ZFPM1: variants seen among roughly 807,000 people sequenced by gnomAD.
ZFPM1 encodes the protein zinc finger protein, FOG family member 1, also known as zinc finger protein ZFPM1.
A neutral mutation model predicts 46.3 loss-of-function variants in ZFPM1; 28 were observed. That is an observed-to-expected ratio of 0.60 (90% confidence interval 0.45 to 0.83). The LOEUF is 0.83. ZFPM1 is among the 40% of genes least tolerant of loss of function. ZFPM1 has a pLI of 0.00. For synonymous variants in ZFPM1, 957 were observed against 675.9 expected, an observed-to-expected ratio of 1.42 and a Z score of -6.45; for missense variants, 1,878 against 1,432.4, an observed-to-expected ratio of 1.31 and a Z score of -5.02.
chr16:88,452,224 G>A (rs561951978), upstream of ZFPM1, among the ~76,000 whole-genome samples: 3 of 152,322 alleles, frequency 2.0e-5, no homozygotes, highest in East Asian at 5.8e-4. Context: ...CCCCCAATGC[G>A]TGACCTTGAG....
At position 88,534,300 on chromosome 16, in the gene ZFPM1, T is replaced by C. The variant is rs1359828846; in HGVS notation, c.2342T>C (p.Leu781Pro). ...PGSGSGSGPG[L>P]APARSPGPAA... ...AGCGGAAGCGGAAGCGGCCCCGGCCTCGCCCCTGCGCGCTCGCCCGGCCCC... is the reference window on the plus strand; with the variant it reads ...AGCGGAAGCGGAAGCGGCCCCGGCCCCGCCCCTGCGCGCTCGCCCGGCCCC... The change falls in exon 10 of 10, where the codon CTC becomes CCC. Residue 781 changes from leucine (L) to proline (P), a missense_variant. Physicochemically the swap from Leu to Pro is moderately conservative, Grantham distance 98. Coordinates refer to ENST00000319555, the MANE Select transcript of ZFPM1 (RefSeq NM_153813.3). 1.6e-6 allele frequency: 2 copies of C among 1,245,986 alleles called. No individual in the cohort carries two copies. Among genetic ancestry groups the C allele is most frequent in the South Asian group, 2.4e-5 (1 of 41,660 alleles). The allele number at this position is 1,245,986 out of a possible 1,614,324, so 77.2% of individuals were successfully genotyped here. A position where few individuals can be genotyped will look rare whatever the true frequency, so the allele number is the denominator to read the frequency against.
At chr16:88,519,098 G>GTGGGTGGA (rs1490635039) in intron 4 of ZFPM1, among the ~76,000 whole-genome samples, 2 of 135,590 alleles carry the variant, frequency 1.5e-5, no homozygotes, top group Admixed American at 1.5e-4. Context: ...GGCTGAGAGT[G>GTGGGTGGA]TGGGTGGATG....
At chr16:88,488,773 G>A (rs560140131) in intron 2 of ZFPM1, among the ~76,000 whole-genome samples, 2 of 152,356 alleles carry the variant, frequency 1.3e-5, no homozygotes, top group South Asian at 2.1e-4. Flanking sequence ...TGGCCATCCT[G>A]TACCCTGATT....
rs564124563 is a variant in ZFPM1 at position 88,533,306 on chromosome 16, G to A, written c.1348G>A (p.Gly450Arg). The A allele has an allele frequency of 5.2e-5, 80 of 1,528,954 alleles. 1 individual carries two copies. In the African/African-American group the frequency reaches 7.2e-4, roughly 14 times the overall value. 94.7% of individuals were successfully genotyped at this position (1,528,954 alleles called of 1,614,324 possible). The change falls in exon 10 of 10, where the codon GGA (glycine) becomes AGA (arginine). Residue 450 changes from glycine to arginine, a missense_variant. Coordinates refer to ENST00000319555, the MANE Select transcript of ZFPM1 (RefSeq NM_153813.3). Reference protein sequence around the residue: ...EARAEPLAQNGGSSEPPAAPR... With the variant: ...EARAEPLAQNRGSSEPPAAPR... ...CAGAGCGGAGCCTCTGGCCCAGAAT[G>A]GAGGCAGCAGCGAGCCCCCGGCGGC...
chr16:88,489,131 G>A lies in ZFPM1; in HGVS notation c.246G>A (p.Pro82=), dbSNP rs375325667. The A allele has an allele frequency of 5.0e-5, 81 of 1,608,434 alleles. No homozygotes were observed. Among genetic ancestry groups the A allele is most frequent in the African/African-American group, 1.7e-4 (13 of 74,812 alleles). The change falls in exon 3 of 10, where the codon CCG becomes CCA. Residue 82 remains proline (P), a synonymous_variant. Coordinates refer to ENST00000319555, the MANE Select transcript of ZFPM1 (RefSeq NM_153813.3). ...AACCCAGGCCCACGGAGGAAGAGCCGGGCAGTCCCTGGAGCGGGCCAGGTA... is the reference window on the plus strand; with the variant it reads ...AACCCAGGCCCACGGAGGAAGAGCCAGGCAGTCCCTGGAGCGGGCCAGGTA... The part of the protein sequence containing the change: ...EPEPRPTEEE[P]GSPWSGPDEL...
rs140972506 is a variant in ZFPM1, at chr16:88,460,067, T to C, written c.40+6389T>C. 5.3e-3 allele frequency among the ~76,000 whole-genome samples: 807 copies of C among 151,992 alleles called. 5 individuals carry two copies. Among genetic ancestry groups the C allele is most frequent in the African/African-American group, 0.018 (758 of 41,462 alleles). On this transcript the variant is annotated intron_variant, in intron 1 of 9. Coordinates refer to ENST00000319555, the MANE Select transcript of ZFPM1 (RefSeq NM_153813.3). ...CAGCGCATCCCGACTCCCCAGGCTG[T>C]GTGGCCTTGGCATACTCTTGCCCTC...
At position 88,532,182 on chromosome 16, in the gene ZFPM1, G is replaced by T. The variant is rs151065815; in HGVS notation, c.893G>T (p.Arg298Leu). ...NERVCPFPQC[R>L]KSCPSASSLE... Reference sequence around the variant, plus strand: ...CGCGTCTGCCCCTTCCCCCAGTGCCGCAAGAGCTGCCCCAGCGCCAGCTCC... The same window carrying T: ...CGCGTCTGCCCCTTCCCCCAGTGCCTCAAGAGCTGCCCCAGCGCCAGCTCC... The change falls in exon 7 of 10, where the codon CGC becomes CTC. Residue 298 changes from arginine (R) to leucine (L), a missense_variant. Coordinates refer to ENST00000319555, the MANE Select transcript of ZFPM1 (RefSeq NM_153813.3). The T allele has an allele frequency of 1.2e-6, 2 of 1,611,122 alleles. No homozygotes were observed. The highest frequency in any genetic ancestry group is 8.5e-7 in the Non-Finnish European group (1 of 1,178,740).
rs2142354624 is a variant in ZFPM1, at chr16:88,471,356, C to T, written c.41-14583C>T. ...TCTGAGATGACTGTGTCCGTGGCGG[C>T]TCCCGCTCACAGTTCAGGACCCCGA... On this transcript the variant is annotated intron_variant, in intron 1 of 9. Coordinates refer to ENST00000319555, the MANE Select transcript of ZFPM1 (RefSeq NM_153813.3). This position sits in a 1 kb window ranked among gnomAD's most constrained non-coding sequence, Gnocchi z 4.1. 6.6e-6 allele frequency among the ~76,000 whole-genome samples: 1 copy of T among 152,364 alleles called. No homozygotes were observed. The highest frequency in any genetic ancestry group is 1.9e-4 in the East Asian group (1 of 5,180).
intron 1 of ZFPM1, among the ~76,000 whole-genome samples, chr16:88,482,929 G>A (rs1422653069): frequency 1.3e-5 from 2 of 152,228 alleles, no homozygotes; most frequent in Non-Finnish European, 2.9e-5. Context: ...CGACCCCAGA[G>A]GTGGGGAGGG....
intron 3 of ZFPM1, chr16:88,513,188 T>G (rs2142428592): frequency 6.6e-6 from 1 of 152,284 alleles, no homozygotes; most frequent in Non-Finnish European, 1.5e-5. Context: ...GCCCTGAAGC[T>G]GAGACGGCAG....
intron 1 of ZFPM1, among the ~76,000 whole-genome samples, chr16:88,458,298 G>A (rs1271180057): frequency 6.6e-6 from 1 of 152,222 alleles, no homozygotes; most frequent in East Asian, 1.9e-4. Context: ...GCCCTCTGAG[G>A]TCTTTCCCCA....
chr16:88,489,338 A>C, intron 3 of ZFPM1, 185 bp downstream of exon 3: 2 of 948,410 alleles, frequency 2.1e-6, no homozygotes, highest in Non-Finnish European at 3.0e-6. Flanking sequence ...GGAGCTTGGC[A>C]CCCTCGCGCC....
At chr16:88,516,033 G>T (rs1911274840) in intron 4 of ZFPM1, 1 of 398,090 alleles carries the variant, frequency 2.5e-6, no homozygotes. Context: ...GGCTCTGTGA[G>T]TTCCAGACAC....
At chr16:88,468,337 A>G (rs1333828923) in intron 1 of ZFPM1, among the ~76,000 whole-genome samples, 2 of 151,940 alleles carry the variant, frequency 1.3e-5, no homozygotes, top group East Asian at 1.9e-4. Flanking sequence ...TCTGAAAGTC[A>G]TCATCATCAT....
rs148805908 is a variant in ZFPM1 at position 88,497,257 on chromosome 16, GGCCCCAGCCCCA to G, written c.268+8123_268+8134del. ...GAGATGGGAGGGGCGGCAGGTGGAC[GGCCCCAGCCCCA>G]GCCCCAGCCCCAGCCCCATTCCAAG... is the stretch of plus-strand genomic sequence containing the variant. On this transcript the variant is annotated intron_variant, in intron 3 of 9. Coordinates refer to ENST00000319555, the MANE Select transcript of ZFPM1 (RefSeq NM_153813.3). The surrounding 1 kb of genome is among the most constrained non-coding windows in gnomAD (Gnocchi z 5.4). 4.6e-5 allele frequency among the ~76,000 whole-genome samples: 7 copies of G among 151,778 alleles called. No individual in the cohort carries two copies. The highest frequency in any genetic ancestry group is 2.1e-4 in the South Asian group (1 of 4,810).
chr16:88,474,062 G>A (rs1908551960), intron 1 of ZFPM1, among the ~76,000 whole-genome samples: 1 of 152,256 alleles, frequency 6.6e-6, no homozygotes, highest in Non-Finnish European at 1.5e-5. Flanking sequence ...GTTCAGCGGT[G>A]ATGAATGTTG....
intron 4 of ZFPM1, among the ~76,000 whole-genome samples, chr16:88,522,937 G>A (rs1228676827): frequency 6.6e-6 from 1 of 152,186 alleles, no homozygotes; most frequent in Non-Finnish European, 1.5e-5. Flanking sequence ...CAGGCGCGGT[G>A]GTTCACGCCT....
upstream of ZFPM1, chr16:88,453,190 A>T (rs1907358169): frequency 8.1e-6 from 1 of 123,460 alleles, no homozygotes; most frequent in Non-Finnish European, 1.7e-5. Flanking sequence ...AGGGCCCGGC[A>T]GGAGGCACGG....
At position 88,534,344 on chromosome 16, in the gene ZFPM1, G is replaced by T. The variant is rs1252076633; in HGVS notation, c.2386G>T (p.Asp796Tyr). ...CGGCCCCGCGGCCGACGGCCCCATC[G>T]ACCTGAGCAAGAAGCCGCGGCGCCC... ...SPGPAADGPIDLSKKPRRPLP... is the reference protein window; with the variant it reads ...SPGPAADGPIYLSKKPRRPLP... The change falls in exon 10 of 10, where the codon GAC (aspartate) becomes TAC (tyrosine). Residue 796 changes from aspartate (D) to tyrosine (Y), a missense_variant. Asp to Tyr is a radical substitution (Grantham distance 160). Coordinates refer to ENST00000319555, the MANE Select transcript of ZFPM1 (RefSeq NM_153813.3). 1 of 1,396,666 alleles carries T rather than the reference G, an allele frequency of 7.2e-7. No homozygotes were observed. Among genetic ancestry groups the T allele is most frequent in the East Asian group, 3.2e-5 (1 of 31,376 alleles). The allele number at this position is 1,396,666 out of a possible 1,614,324, so 86.5% of individuals were successfully genotyped here.
Sources: allele counts gnomAD v4.1 joint callset (sites outside exome capture counted in the v4.1 genomes callset), GRCh38; gene constraint gnomAD v4.1.1; non-coding constraint Gnocchi (gnomAD v3.1); transcripts MANE v1.5; gene names NCBI Gene and HGNC (gene_info 2026-07-23, HGNC 2026-07-21).